Variants in TLN2 observed in about 807,000 individuals in gnomAD.
TLN2 encodes talin 2.
TLN2 carries 118 observed loss-of-function variants against 294.7 expected under a neutral mutation model. That is an observed-to-expected ratio of 0.40 (90% CI 0.34 to 0.47). The LOEUF is 0.47. TLN2 is among the 20% of genes least tolerant of loss of function. TLN2 has a pLI of 0.84. For missense variants in TLN2, 3,083 were observed against 3,282.2 expected, an observed-to-expected ratio of 0.94 and a Z score of 1.48; for synonymous variants, 1,431 against 1,304.5, an observed-to-expected ratio of 1.10 and a Z score of -2.09.
At chr15:62,458,814 C>G (rs566976793) in intron 1 of TLN2, among the ~76,000 whole-genome samples, 1 of 151,980 alleles carries the variant, frequency 6.6e-6, no homozygotes, top group East Asian at 1.9e-4. Context: ...GGCTTGAGTG[C>G]GACTCTCCTT....
At chr15:62,544,008 C>G (rs2140529865) in intron 1 of TLN2, among the ~76,000 whole-genome samples, 1 of 152,154 alleles carries the variant, frequency 6.6e-6, no homozygotes, top group Admixed American at 6.5e-5. Flanking sequence ...CCTTTCTGGC[C>G]TTGACAGACT....
At chr15:62,476,557 C>T (rs1465970454) in intron 1 of TLN2, 1 of 152,288 alleles carries the variant, frequency 6.6e-6, no homozygotes, top group Non-Finnish European at 1.5e-5. Flanking sequence ...AGCAGGGACT[C>T]CGTACAGGGC....
At chr15:62,732,293 G>T (rs532492290) in intron 28 of TLN2, among the ~76,000 whole-genome samples, 1 of 152,322 alleles carries the variant, frequency 6.6e-6, no homozygotes, top group East Asian at 1.9e-4. Context: ...ATGCTGTCTA[G>T]TTGGTGTCTG....
chr15:62,680,266 G>C (rs558585531), intron 11 of TLN2, among the ~76,000 whole-genome samples: 2 of 152,190 alleles, frequency 1.3e-5, no homozygotes, highest in Admixed American at 1.3e-4. Context: ...GGAGATAATT[G>C]ACATTTTTAT....
intron 44 of TLN2, among the ~76,000 whole-genome samples, chr15:62,781,789 T>A (rs372028047): frequency 1.3e-5 from 2 of 152,308 alleles, no homozygotes; most frequent in East Asian, 3.9e-4. Flanking sequence ...CATACAACTT[T>A]TGGAGGTAAT....
Position 62,835,732 on chromosome 15 carries a change from T to A in TLN2, c.7129-5T>A, listed in dbSNP as rs2069466480. 2 of 1,614,012 alleles carry A rather than the reference T, an allele frequency of 1.2e-6. No homozygotes were observed. Among genetic ancestry groups the A allele is most frequent in the Non-Finnish European group, 1.7e-6 (2 of 1,179,972 alleles). On this transcript the variant is annotated splice_region_variant and splice_polypyrimidine_tract_variant and intron_variant, in intron 55 of 58. Transcript: ENST00000636159. ...CATGGCCAATTTCTCGACTCTACTC[T>A]CTAGGTGGGCTCCATCCCTGCCAAT... is the stretch of plus-strand genomic sequence containing the variant.
intron 54 of TLN2, chr15:62,828,937 A>C (rs575217743): frequency 6.6e-6 from 1 of 152,200 alleles, no homozygotes; most frequent in South Asian, 2.1e-4. Flanking sequence ...TGTTTTCCTG[A>C]GTCCAGGCCA....
intron 46 of TLN2, among the ~76,000 whole-genome samples, chr15:62,793,327 G>C (rs982281529): frequency 9.9e-5 from 15 of 152,230 alleles, no homozygotes; most frequent in African/African-American, 3.6e-4. Flanking sequence ...TCGGTTTTCT[G>C]ATTCTAAAGA....
intron 43 of TLN2, among the ~76,000 whole-genome samples, chr15:62,778,051 G>T (rs1156905331): frequency 6.6e-6 from 1 of 152,160 alleles, no homozygotes; most frequent in African/African-American, 2.4e-5. Context: ...AGGATAATAA[G>T]CAGTCTTTAA....
intron 12 of TLN2, among the ~76,000 whole-genome samples, chr15:62,692,516 A>T (rs2058007865): frequency 6.6e-6 from 1 of 152,088 alleles, no homozygotes; most frequent in Non-Finnish European, 1.5e-5. Context: ...GCTTTTCAGG[A>T]ACTGCTTACT....
At position 62,842,617 on chromosome 15, in the gene TLN2, C is replaced by A. The variant is rs2070824941; in HGVS notation, c.*2007C>A. 6.6e-6 allele frequency: 1 copy of A among 151,432 alleles called. No individual in the cohort carries two copies. Among genetic ancestry groups the A allele is most frequent in the Non-Finnish European group, 1.5e-5 (1 of 67,954 alleles). The allele number at this position is 151,432 out of a possible 1,614,324, so 9.4% of individuals were successfully genotyped here. A position where few individuals can be genotyped will look rare whatever the true frequency, so the allele number is the denominator to read the frequency against. The stretch of plus-strand genomic sequence containing the variant: ...CTGTGCCCCATCCCATCCTGAAAAC[C>A]CAGGACCAAGGCAGGGGCAGGCAGC... On this transcript the variant is annotated 3_prime_UTR_variant, in exon 59 of 59. Coordinates refer to ENST00000636159, the MANE Select transcript of TLN2 (RefSeq NM_015059.3).
intron 1 of TLN2, among the ~76,000 whole-genome samples, chr15:62,543,779 C>T (rs2041838535): frequency 6.6e-6 from 1 of 151,150 alleles, no homozygotes. Flanking sequence ...AGATGGAGCT[C>T]TAATACACGC....
intron 39 of TLN2, 138 bp from the exon 40 acceptor site, chr15:62,763,425 G>C: frequency 8.7e-7 from 1 of 1,152,806 alleles, no homozygotes; most frequent in African/African-American, 1.5e-5. Flanking sequence ...TTGCCAACCA[G>C]GGGTCAGGGA....
At chr15:62,621,345 T>C (rs187924196) in intron 3 of TLN2, among the ~76,000 whole-genome samples, 1 of 152,326 alleles carries the variant, frequency 6.6e-6, no homozygotes, top group East Asian at 1.9e-4. Context: ...TGGGGCACAA[T>C]ATGCTAGTTC....
chr15:62,730,739 C>T (rs1381847814), intron 28 of TLN2, among the ~76,000 whole-genome samples: 1 of 152,088 alleles, frequency 6.6e-6, no homozygotes, highest in Admixed American at 6.5e-5. Flanking sequence ...TTATTTTTCC[C>T]CTTTCCTTGC....
At chr15:62,461,743 A>G (rs2036817085) in intron 1 of TLN2, among the ~76,000 whole-genome samples, 1 of 152,192 alleles carries the variant, frequency 6.6e-6, no homozygotes, top group Non-Finnish European at 1.5e-5. Context: ...GAGCAAGGCC[A>G]ACAGGTAAGA....
intron 2 of TLN2, among the ~76,000 whole-genome samples, chr15:62,603,738 C>T (rs1315867165): frequency 2.6e-5 from 4 of 152,100 alleles, no homozygotes; most frequent in Non-Finnish European, 4.4e-5. Flanking sequence ...AAGGGAGTCA[C>T]GTTTGGGAGA....
intron 1 of TLN2, among the ~76,000 whole-genome samples, chr15:62,584,085 G>A (rs2045381514): frequency 6.6e-6 from 1 of 152,196 alleles, no homozygotes; most frequent in African/African-American, 2.4e-5. Context: ...GGTACAAAAT[G>A]AGCTTTCAAC....
At chr15:62,680,887 A>G (rs927079210) in intron 11 of TLN2, among the ~76,000 whole-genome samples, 15 of 152,066 alleles carry the variant, frequency 9.9e-5, no homozygotes, top group African/African-American at 3.6e-4. Context: ...GCTCCATCCA[A>G]GTTGTTGCAA....
Sources: allele counts gnomAD v4.1 joint callset (sites outside exome capture counted in the v4.1 genomes callset), GRCh38; gene constraint gnomAD v4.1.1; transcripts MANE v1.5; gene names NCBI Gene and HGNC (gene_info 2026-07-23, HGNC 2026-07-21).